The following XIRP2 variants were observed in gnomAD, a reference collection of about 807,000 sequenced individuals.
XIRP2 encodes xin actin-binding repeat-containing protein 2.
A neutral mutation model predicts 277.0 loss-of-function variants in XIRP2; 236 were observed. The observed-to-expected ratio is 0.85, with a 90% confidence interval of 0.77 to 0.95. The LOEUF (loss-of-function observed/expected upper bound fraction) is 0.95, where lower values mean the gene tolerates loss of function less well. Ranked by LOEUF, XIRP2 falls within the 40% of genes least tolerant of loss-of-function variation. The pLI, the probability that XIRP2 is intolerant of heterozygous loss-of-function variation, is 0.00. For missense variants in XIRP2, 4,640 were observed against 4,157.5 expected (o/e 1.12, Z -3.19); for synonymous variants, 1,490 against 1,416.5 (o/e 1.05, Z -1.17).
chr2:167,246,675 C>T lies in XIRP2; in HGVS notation c.5283C>T (p.Leu1761=). 6.2e-7 allele frequency: 1 copy of T among 1,613,634 alleles called. No individual in the cohort carries two copies. Among genetic ancestry groups the T allele is most frequent in the Non-Finnish European group, 8.5e-7 (1 of 1,179,812 alleles). ...EAGALDYLKQ[L]HTESNETLTA... ...GAGCTTTGGATTATCTGAAACAACTCCACACAGAGTCAAATGAAACACTGA... is the reference window on the plus strand; with the variant it reads ...GAGCTTTGGATTATCTGAAACAACTTCACACAGAGTCAAATGAAACACTGA... The change falls in exon 9 of 11, where the codon CTC becomes CTT. Residue 1761 remains leucine, a synonymous_variant. Coordinates refer to ENST00000409195, the MANE Select transcript of XIRP2 (RefSeq NM_152381.6).
chr2:167,017,501 AG>A (rs1687863570), intron 2 of XIRP2, among the ~76,000 whole-genome samples: 1 of 151,948 alleles, frequency 6.6e-6, no homozygotes, highest in Non-Finnish European at 1.5e-5. Context: ...TTAAATTCAG[AG>A]TCCATTATGC....
intron 2 of XIRP2, among the ~76,000 whole-genome samples, chr2:167,134,864 A>G (rs1691497015): frequency 6.6e-6 from 1 of 152,192 alleles, no homozygotes. Context: ...CTTCTAAGTG[A>G]ATCACGGTGG....
chr2:166,917,872 A>G (rs1000184268), intron 2 of XIRP2, among the ~76,000 whole-genome samples: 16 of 152,180 alleles, frequency 1.1e-4, no homozygotes, highest in Non-Finnish European at 2.4e-4. Context: ...TGGTTGAATT[A>G]ATTTAACAAA....
At chr2:167,168,482 C>A (rs1462739640) in intron 3 of XIRP2, among the ~76,000 whole-genome samples, 1 of 152,092 alleles carries the variant, frequency 6.6e-6, no homozygotes, top group East Asian at 1.9e-4. Flanking sequence ...TTGAGATATT[C>A]TCAACTGAGA....
intron 3 of XIRP2, among the ~76,000 whole-genome samples, chr2:167,195,942 G>A (rs1162721313): frequency 2.0e-5 from 3 of 152,174 alleles, no homozygotes; most frequent in East Asian, 1.9e-4. Flanking sequence ...ATTGACCCCC[G>A]TATCACTCTG....
chr2:166,951,917 G>A (rs1686044565), intron 2 of XIRP2, among the ~76,000 whole-genome samples: 1 of 152,028 alleles, frequency 6.6e-6, no homozygotes, highest in Admixed American at 6.6e-5. Context: ...TCTCCTATGA[G>A]AGGCAGGATG....
chr2:167,207,772 T>G (rs1693901756), intron 3 of XIRP2, among the ~76,000 whole-genome samples: 1 of 152,180 alleles, frequency 6.6e-6, no homozygotes, highest in Non-Finnish European at 1.5e-5. Flanking sequence ...TGACTTTTTA[T>G]ATTATATTGA....
intron 3 of XIRP2, among the ~76,000 whole-genome samples, chr2:167,157,437 A>T (rs577008441): frequency 1.3e-5 from 2 of 152,246 alleles, no homozygotes; most frequent in South Asian, 4.1e-4. Flanking sequence ...TATCCACTTT[A>T]TACAGATGTT....
chr2:167,090,111 C>A (rs1690097074), intron 2 of XIRP2, among the ~76,000 whole-genome samples: 2 of 152,036 alleles, frequency 1.3e-5, no homozygotes, highest in Admixed American at 1.3e-4. Context: ...ATAATTGTGT[C>A]TTTATGAACT....
At chr2:167,161,500 A>G (rs1006767839) in intron 3 of XIRP2, among the ~76,000 whole-genome samples, 1 of 152,162 alleles carries the variant, frequency 6.6e-6, no homozygotes, top group Non-Finnish European at 1.5e-5. Context: ...TCAAAACCAC[A>G]TGGAAGCTGC....
intron 2 of XIRP2, among the ~76,000 whole-genome samples, chr2:167,105,859 A>G (rs1021303309): frequency 6.6e-6 from 1 of 151,698 alleles, no homozygotes; most frequent in South Asian, 2.1e-4. Context: ...TGATAAGTGT[A>G]TTGTAATATC....
intron 3 of XIRP2, among the ~76,000 whole-genome samples, chr2:167,174,182 A>G (rs1269174143): frequency 6.6e-6 from 1 of 152,166 alleles, no homozygotes; most frequent in Non-Finnish European, 1.5e-5. Context: ...TAGTTTCAGA[A>G]GGAATGGTAC....
At chr2:167,205,220 C>A (rs1378430961) in intron 3 of XIRP2, among the ~76,000 whole-genome samples, 1 of 152,144 alleles carries the variant, frequency 6.6e-6, no homozygotes, top group Non-Finnish European at 1.5e-5. Flanking sequence ...GGCTATAACA[C>A]CCTGTCTCTC....
intron 2 of XIRP2, among the ~76,000 whole-genome samples, chr2:167,117,460 A>G (rs1195501266): frequency 1.3e-5 from 2 of 152,202 alleles, no homozygotes; most frequent in African/African-American, 2.4e-5. Context: ...ACATTTTCCC[A>G]TCAGGGAGTG....
At chr2:166,909,175 G>T (rs957436797) in intron 2 of XIRP2, among the ~76,000 whole-genome samples, 13 of 152,096 alleles carry the variant, frequency 8.5e-5, no homozygotes, top group East Asian at 3.9e-4. Flanking sequence ...TAGCTTGATG[G>T]GGATGGCATT....
At chr2:167,154,006 C>T (rs1362610260) in intron 3 of XIRP2, among the ~76,000 whole-genome samples, 2 of 150,050 alleles carry the variant, frequency 1.3e-5, no homozygotes, top group Non-Finnish European at 3.0e-5. Flanking sequence ...AATGGTTGAA[C>T]TAGTTTACAG....
chr2:167,015,645 G>GATTGTGTTTCTTGTTGAGGGCTATGTA, intron 2 of XIRP2, among the ~76,000 whole-genome samples: 1 of 151,898 alleles, frequency 6.6e-6, no homozygotes, highest in Middle Eastern at 3.4e-3. Flanking sequence ...GCTCTAATAA[G>GATTGTGTTTCTTGTTGAGGGCTATGTA]ATTGTGTTTC....
chr2:167,062,161 C>T (rs1401934291), intron 2 of XIRP2, among the ~76,000 whole-genome samples: 1 of 152,094 alleles, frequency 6.6e-6, no homozygotes, highest in Non-Finnish European at 1.5e-5. Flanking sequence ...TGTGGTATGT[C>T]AATTGTGTGC....
At chr2:166,943,840 T>A (rs866312070) in intron 2 of XIRP2, among the ~76,000 whole-genome samples, 4 of 152,250 alleles carry the variant, frequency 2.6e-5, no homozygotes, top group Non-Finnish European at 5.9e-5. Flanking sequence ...TAGCCTAGGC[T>A]TTTTTGTCAA....
Sources: allele counts gnomAD v4.1 joint callset (sites outside exome capture counted in the v4.1 genomes callset), GRCh38; gene constraint gnomAD v4.1.1; transcripts MANE v1.5; gene names NCBI Gene and HGNC (gene_info 2026-07-23, HGNC 2026-07-21).